The following PTTG1IP variants were observed in gnomAD, a reference collection of about 807,000 sequenced individuals.
The protein encoded by PTTG1IP is pituitary tumor-transforming gene 1 protein-interacting protein.
A neutral mutation model predicts 24.4 loss-of-function variants in PTTG1IP; 16 were observed. The ratio of observed to expected loss-of-function variants is 0.66; its 90% CI spans 0.44 to 1.00. The LOEUF is 1.00. Ranked by LOEUF, PTTG1IP falls within the 50% of genes least tolerant of loss-of-function variation. PTTG1IP has a pLI of 0.00. For synonymous variants in PTTG1IP, 89 were observed against 96.8 expected, an observed-to-expected ratio of 0.92 and a Z score of 0.47; for missense variants, 241 against 245.8, an observed-to-expected ratio of 0.98 and a Z score of 0.13.
intron 3 of PTTG1IP, among the ~76,000 whole-genome samples, chr21:44,856,796 T>A (rs182052500): frequency 2.6e-5 from 4 of 152,318 alleles, no homozygotes; most frequent in East Asian, 1.9e-4. Flanking sequence ...TCTTTTTTTT[T>A]ATTTAAACCA....
chr21:44,864,262 C>T lies in PTTG1IP; in HGVS notation c.168+1133G>A, dbSNP rs1042551459. ...CAGGTTTCCCGTGCTGATTTCATAG[C>T]GCTGCGAGGAGACTTGGGTGCTGCC... On this transcript the variant is annotated intron_variant, in intron 2 of 5. Transcript: ENST00000330938. Among the ~76,000 whole-genome samples, 5 of 152,376 alleles carry T rather than the reference C, an allele frequency of 3.3e-5. No homozygotes were observed. In the South Asian group the frequency reaches 1.0e-3, roughly 32 times the overall value.
intron 1 of PTTG1IP, among the ~76,000 whole-genome samples, chr21:44,873,295 T>C (rs2083605506): frequency 2.0e-5 from 3 of 152,120 alleles, no homozygotes; most frequent in African/African-American, 7.2e-5. Context: ...GCTCTTCCCC[T>C]GCCCGCGCCC....
At position 44,856,256 on chromosome 21, in the gene PTTG1IP, G is replaced by A. The variant is rs751876287; in HGVS notation, c.386C>T (p.Pro129Leu). ...CCCRRKRSRK[P>L]DRSEEKAMRE... The stretch of plus-strand genomic sequence containing the variant: ...CATGGCCTTCTCCTCACTCCTGTCC[G>A]GCTTCCGGCTCCTCTTCCTCCTGCA... Residue 129 changes from proline to leucine, a missense_variant, in exon 4 of 6, where the codon CCG (proline) becomes CTG (leucine). Pro to Leu is a moderately conservative substitution (Grantham distance 98, BLOSUM62 -3). Coordinates refer to ENST00000330938, the MANE Select transcript of PTTG1IP (RefSeq NM_004339.4). 9 of 1,614,048 alleles carry A rather than the reference G, an allele frequency of 5.6e-6. No homozygotes were observed. The highest frequency in any genetic ancestry group is 4.4e-5 in the South Asian group (4 of 91,072).
At chr21:44,868,151 C>T (rs2083557375) in intron 1 of PTTG1IP, among the ~76,000 whole-genome samples, 2 of 152,166 alleles carry the variant, frequency 1.3e-5, no homozygotes, top group Non-Finnish European at 2.9e-5. Flanking sequence ...GCCTTAATTT[C>T]TTAAATCACT....
chr21:44,852,529 G>C (rs746201047), intron 5 of PTTG1IP, among the ~76,000 whole-genome samples: 2 of 152,122 alleles, frequency 1.3e-5, no homozygotes, highest in African/African-American at 4.8e-5. Flanking sequence ...TATCTGCAGC[G>C]ATTACAACAA....
Position 44,849,718 on chromosome 21 carries a change from C to T in PTTG1IP, c.*1863G>A, listed in dbSNP as rs530393306. ...TGTATTTCAGAAAAAAGCAGATGGACGAAGACCGACCTTACAGACGTGGGT... is the reference window on the plus strand; with the variant it reads ...TGTATTTCAGAAAAAAGCAGATGGATGAAGACCGACCTTACAGACGTGGGT... On this transcript the variant is annotated 3_prime_UTR_variant, in exon 6 of 6. Transcript: ENST00000330938. The T allele has an allele frequency of 4.6e-5, 7 of 152,604 alleles. No homozygotes were observed. Among genetic ancestry groups the T allele is most frequent in the Non-Finnish European group, 7.3e-5 (5 of 68,032 alleles). The allele number at this position is 152,604 out of a possible 1,614,324, so 9.5% of individuals were successfully genotyped here.
chr21:44,856,116 T>C (rs950027274), intron 4 of PTTG1IP, 77 bp downstream of exon 4: 2 of 1,612,146 alleles, frequency 1.2e-6, no homozygotes, highest in African/African-American at 2.7e-5. Flanking sequence ...TCAGGATGTA[T>C]CCATGTGATT....
chr21:44,856,121 G>T, intron 4 of PTTG1IP, 72 bp downstream of exon 4: 1 of 1,612,652 alleles, frequency 6.2e-7, no homozygotes, highest in Non-Finnish European at 8.5e-7. Flanking sequence ...ATGTATCCAT[G>T]TGATTTCCAT....
Position 44,851,475 on chromosome 21 carries a change from A to G in PTTG1IP, c.*106T>C, listed in dbSNP as rs1164166792. On this transcript the variant is annotated 3_prime_UTR_variant, in exon 6 of 6. Transcript: ENST00000330938. ...CCTGTCCTGGAAGGCTGGCAGGTTCACTGGCCAAGGTCAGGAGACCGCAAT... is the reference window on the plus strand; with the variant it reads ...CCTGTCCTGGAAGGCTGGCAGGTTCGCTGGCCAAGGTCAGGAGACCGCAAT... The G allele has an allele frequency of 1.2e-6, 2 of 1,612,166 alleles. No individual in the cohort carries two copies. The highest frequency in any genetic ancestry group is 1.7e-6 in the Non-Finnish European group (2 of 1,179,914).
At chr21:44,853,999 G>A (rs1402975074) in intron 5 of PTTG1IP, among the ~76,000 whole-genome samples, 1 of 152,146 alleles carries the variant, frequency 6.6e-6, no homozygotes, top group Non-Finnish European at 1.5e-5. Context: ...GACAGGGAGG[G>A]GACGTCCCGG....
chr21:44,865,352 C>T (rs373569581), intron 2 of PTTG1IP, 43 bp downstream of exon 2: 18 of 1,591,704 alleles, frequency 1.1e-5, no homozygotes, highest in Admixed American at 1.7e-5. Flanking sequence ...TGCCTTTGGA[C>T]GGTCTGGACG....
chr21:44,864,157 G>A (rs1444738356), intron 2 of PTTG1IP, among the ~76,000 whole-genome samples: 1 of 152,236 alleles, frequency 6.6e-6, no homozygotes, highest in Non-Finnish European at 1.5e-5. Flanking sequence ...AGGGGTGGGC[G>A]AGATCAGGAA....
intron 3 of PTTG1IP, among the ~76,000 whole-genome samples, chr21:44,860,576 C>A (rs2083483251): frequency 6.6e-6 from 1 of 152,156 alleles, no homozygotes; most frequent in Non-Finnish European, 1.5e-5. Context: ...ACATACTGAG[C>A]AGAGAAGTCA....
intron 2 of PTTG1IP, chr21:44,861,867 T>C: frequency 1.4e-6 from 1 of 717,254 alleles, no homozygotes; most frequent in Non-Finnish European, 2.6e-6. Context: ...TGAATGGACT[T>C]GGGTGAGCAT....
chr21:44,869,911 G>T (rs2083570368), intron 1 of PTTG1IP, among the ~76,000 whole-genome samples: 1 of 152,138 alleles, frequency 6.6e-6, no homozygotes. Flanking sequence ...CATTTTTAAA[G>T]CTTCTTTCTG....
intron 1 of PTTG1IP, among the ~76,000 whole-genome samples, chr21:44,871,549 A>T (rs2083585771): frequency 6.6e-6 from 1 of 152,236 alleles, no homozygotes; most frequent in South Asian, 2.1e-4. Context: ...GATGCTTAAA[A>T]GTGTTGGATT....
intron 3 of PTTG1IP, among the ~76,000 whole-genome samples, chr21:44,859,254 G>T (rs183345192): frequency 5.3e-5 from 8 of 152,328 alleles, no homozygotes; most frequent in Admixed American, 5.2e-4. Context: ...CTGTGGTGAC[G>T]GGAAGTCCAG....
chr21:44,864,261 G>A (rs1299586772), intron 2 of PTTG1IP, among the ~76,000 whole-genome samples: 1 of 152,248 alleles, frequency 6.6e-6, no homozygotes, highest in African/African-American at 2.4e-5. Context: ...TGATTTCATA[G>A]CGCTGCGAGG....
intron 2 of PTTG1IP, among the ~76,000 whole-genome samples, chr21:44,864,677 G>A (rs1405644078): frequency 6.6e-6 from 1 of 152,198 alleles, no homozygotes; most frequent in Non-Finnish European, 1.5e-5. Flanking sequence ...GATTACAGGC[G>A]TGAGCCACTG....
Sources: allele counts gnomAD v4.1 joint callset (sites outside exome capture counted in the v4.1 genomes callset), GRCh38; gene constraint gnomAD v4.1.1; transcripts MANE v1.5; gene names NCBI Gene and HGNC (gene_info 2026-07-23, HGNC 2026-07-21).